Variants in HDX observed in about 807,000 individuals in gnomAD.
HDX encodes chromosome X open reading frame 43.
Under a neutral mutation model 45.2 loss-of-function variants are expected in HDX, and 19 were observed. That is an observed-to-expected ratio of 0.42 (90% CI 0.29 to 0.62). The LOEUF is 0.62. Among genes scored for constraint, HDX ranks in the 20% least tolerant of loss-of-function variants. HDX has a pLI of 0.20. For missense variants in HDX, 532 were observed against 493.9 expected (o/e 1.08, Z -0.73); for synonymous variants, 188 against 172.8 (o/e 1.09, Z -0.69).
chrX:84,383,316 T>A (rs2038233270), intron 5 of HDX, among the ~76,000 whole-genome samples: 1 of 111,815 alleles, frequency 8.9e-6, no homozygotes, highest in African/African-American at 3.2e-5. Flanking sequence ...TTTGAAATGT[T>A]ATTTCATAAT....
Position 84,321,814 on chromosome X carries a change from C to G in HDX, c.*75G>C. 3 of 847,370 alleles carry G rather than the reference C, an allele frequency of 3.5e-6. No individual in the cohort carries two copies. The highest frequency in any genetic ancestry group is 4.9e-6 in the Non-Finnish European group (3 of 608,400). The allele number at this position is 847,370 out of a possible 1,213,427, so 69.8% of individuals were successfully genotyped here. Reference sequence around the variant, plus strand: ...TCCCAACTAAAGAATACCAGGGCAACAGAATGCAGTTATCTTGAAATGCAC... The same window carrying G: ...TCCCAACTAAAGAATACCAGGGCAAGAGAATGCAGTTATCTTGAAATGCAC... On this transcript the variant is annotated 3_prime_UTR_variant, in exon 11 of 11. Transcript: ENST00000373177.
chrX:84,340,161 G>C (rs1433590742), intron 7 of HDX, among the ~76,000 whole-genome samples: 1 of 110,983 alleles, frequency 9.0e-6, no homozygotes, highest in Non-Finnish European at 1.9e-5. Context: ...TTCTGTATTA[G>C]GGAAGTATCT....
chrX:84,336,606 T>C (rs1196486381), intron 8 of HDX, among the ~76,000 whole-genome samples, 195 bp downstream of exon 8: 1 of 111,445 alleles, frequency 9.0e-6, no homozygotes. Flanking sequence ...ATCAAAAAAT[T>C]AGTGATACAA....
chrX:84,494,404 G>T (rs892429736), intron 1 of HDX, among the ~76,000 whole-genome samples: 2 of 112,111 alleles, frequency 1.8e-5, no homozygotes, highest in Non-Finnish European at 3.8e-5. Flanking sequence ...TCACAGTCTT[G>T]TTAATACTTT....
chrX:84,427,671 T>C (rs2039414735), intron 5 of HDX, among the ~76,000 whole-genome samples: 1 of 111,376 alleles, frequency 9.0e-6, no homozygotes, highest in South Asian at 3.7e-4. Context: ...TTTTTTCCTA[T>C]ATAGAAATGC....
intron 4 of HDX, among the ~76,000 whole-genome samples, chrX:84,444,937 C>A (rs1176096383): frequency 9.0e-6 from 1 of 111,502 alleles, no homozygotes; most frequent in Non-Finnish European, 1.9e-5. Flanking sequence ...GGAATTTTTG[C>A]TGTTTTATTT....
At chrX:84,395,452 C>A (rs962854155) in intron 5 of HDX, among the ~76,000 whole-genome samples, 8 of 109,744 alleles carry the variant, frequency 7.3e-5, no homozygotes, top group Non-Finnish European at 3.8e-5. Context: ...TAGTGAAATG[C>A]GGGTTCATTT....
intron 5 of HDX, among the ~76,000 whole-genome samples, chrX:84,405,588 C>CTTTTTTTTTTTTTT (rs55758874): frequency 5.5e-4 from 32 of 58,170 alleles, no homozygotes; most frequent in East Asian, 1.1e-3. Flanking sequence ...GGATTTTCTG[C>CTTTTTTTTTTTTTT]TTTTTTTTTT....
chrX:84,419,470 A>C (rs1432329166), intron 5 of HDX, among the ~76,000 whole-genome samples: 1 of 111,905 alleles, frequency 8.9e-6, no homozygotes, highest in Non-Finnish European at 1.9e-5. Context: ...AAATGGAAGA[A>C]TGGGAAGAAC....
intron 5 of HDX, among the ~76,000 whole-genome samples, chrX:84,392,985 A>G (rs866300384): frequency 2.9e-5 from 3 of 104,712 alleles, no homozygotes; most frequent in South Asian, 4.0e-4. Flanking sequence ...CTGTTTATTT[A>G]TTTCTCTTGC....
chrX:84,383,706 T>C (rs1184727999), intron 5 of HDX, among the ~76,000 whole-genome samples: 4 of 111,298 alleles, frequency 3.6e-5, no homozygotes, highest in Non-Finnish European at 7.6e-5. Flanking sequence ...ACCCCCTCTC[T>C]CCCCACTCTA....
chrX:84,366,792 C>T (rs1473587925), intron 5 of HDX, among the ~76,000 whole-genome samples: 1 of 111,685 alleles, frequency 9.0e-6, no homozygotes, highest in African/African-American at 3.3e-5. Flanking sequence ...AACTTGCTAG[C>T]CATATGCAGA....
intron 9 of HDX, among the ~76,000 whole-genome samples, chrX:84,333,175 T>C (rs1451383402): frequency 1.8e-5 from 2 of 111,128 alleles, no homozygotes; most frequent in Non-Finnish European, 1.9e-5. Flanking sequence ...AGAAAACATA[T>C]TGACATACAG....
Position 84,468,841 on chromosome X carries a change from C to A in HDX, c.882G>T (p.Leu294Phe). The A allele has an allele frequency of 8.3e-7, 1 of 1,211,463 alleles. No individual in the cohort carries two copies. Among genetic ancestry groups the A allele is most frequent in the Non-Finnish European group, 1.1e-6 (1 of 895,288 alleles). ...QKPSSAEGNCLSIAMETGDAE... is the reference protein window; with the variant it reads ...QKPSSAEGNCFSIAMETGDAE... ...CATCTCCAGTCTCCATTGCAATGGACAAACAATTTCCTTCTGCTGAGCTAG... is the reference window on the plus strand; with the variant it reads ...CATCTCCAGTCTCCATTGCAATGGAAAAACAATTTCCTTCTGCTGAGCTAG... The change falls in exon 4 of 11, where the codon TTG (leucine) becomes TTT (phenylalanine). Residue 294 changes from leucine to phenylalanine, a missense_variant. Transcript: ENST00000373177.
chrX:84,489,942 T>C (rs1310121772), intron 1 of HDX, among the ~76,000 whole-genome samples: 2 of 112,437 alleles, frequency 1.8e-5, no homozygotes, highest in African/African-American at 6.4e-5. Flanking sequence ...TTAAGGAAGA[T>C]TTTAATTAAA....
chrX:84,333,576 AC>A (rs1479724207), intron 9 of HDX, among the ~76,000 whole-genome samples, 182 bp downstream of exon 9: 6 of 110,686 alleles, frequency 5.4e-5, no homozygotes, highest in African/African-American at 2.0e-4. Context: ...TAAGATCATA[AC>A]CCCTAAACCC....
intron 2 of HDX, among the ~76,000 whole-genome samples, chrX:84,478,149 A>G (rs1037404624): frequency 2.7e-5 from 3 of 112,141 alleles, no homozygotes; most frequent in Non-Finnish European, 5.6e-5. Flanking sequence ...TGTAGTTGTA[A>G]CATACCTATA....
At chrX:84,359,497 C>A (rs1208951123) in intron 6 of HDX, among the ~76,000 whole-genome samples, 1 of 111,241 alleles carries the variant, frequency 9.0e-6, no homozygotes, top group Non-Finnish European at 1.9e-5. Context: ...CCAACTTCAT[C>A]CATGGCCCTG....
intron 5 of HDX, among the ~76,000 whole-genome samples, chrX:84,384,682 A>T (rs745969792): frequency 2.4e-4 from 27 of 110,607 alleles, no homozygotes; most frequent in Admixed American, 2.2e-3. Flanking sequence ...AATCTTTAAT[A>T]CATCTTGAGT....
Sources: allele counts gnomAD v4.1 joint callset (sites outside exome capture counted in the v4.1 genomes callset), GRCh38; gene constraint gnomAD v4.1.1; transcripts MANE v1.5; gene names NCBI Gene and HGNC (gene_info 2026-07-23, HGNC 2026-07-21).